The following SPANXN4 variants were observed in gnomAD, a reference collection of about 807,000 sequenced individuals.
SPANXN4 encodes sperm protein associated with the nucleus on the X chromosome N4.
A neutral mutation model predicts 6.0 loss-of-function variants in SPANXN4; 5 were observed. The ratio of observed to expected loss-of-function variants is 0.83; its 90% confidence interval spans 0.44 to 1.75. The LOEUF (loss-of-function observed/expected upper bound fraction) is 1.75. SPANXN4 is among the 40% of genes most tolerant of loss of function. The pLI is 0.02. For synonymous variants in SPANXN4, 45 were observed against 38.0 expected (o/e 1.19, Z -0.68); for missense variants, 157 against 108.6 (o/e 1.45, Z -1.98).
chrX:143,034,994 C>A (rs1445332864), downstream of SPANXN4, among the ~76,000 whole-genome samples: 1 of 103,346 alleles, frequency 9.7e-6, no homozygotes, highest in Non-Finnish European at 2.0e-5. Flanking sequence ...ATTAAGAATT[C>A]TTCCCCTAGA....
At chrX:143,026,343 T>C (rs1345297702) in intron 1 of SPANXN4, among the ~76,000 whole-genome samples, 1 of 111,545 alleles carries the variant, frequency 9.0e-6, no homozygotes, top group Non-Finnish European at 1.9e-5. Flanking sequence ...TGGCCCTTTT[T>C]CTGGTGGGAT....
downstream of SPANXN4, among the ~76,000 whole-genome samples, chrX:143,038,182 G>A (rs1001344676): frequency 9.0e-6 from 1 of 111,672 alleles, no homozygotes; most frequent in Non-Finnish European, 1.9e-5. Flanking sequence ...GAAAGCACTT[G>A]CACTAGTGAC....
intron 1 of SPANXN4, among the ~76,000 whole-genome samples, chrX:143,032,356 G>T (rs1204204926): frequency 9.0e-6 from 1 of 110,836 alleles, no homozygotes; most frequent in African/African-American, 3.3e-5. Flanking sequence ...CAGCACTAGG[G>T]GGGTGGGTGT....
chrX:143,037,586 C>T (rs1331031455), downstream of SPANXN4, among the ~76,000 whole-genome samples: 1 of 111,294 alleles, frequency 9.0e-6, no homozygotes, highest in African/African-American at 3.3e-5. Flanking sequence ...TTATCAATTC[C>T]TAACCATTTC....
At chrX:143,035,699 T>C (rs764807647), downstream of SPANXN4, among the ~76,000 whole-genome samples, 1 of 110,715 alleles carries the variant, frequency 9.0e-6, no homozygotes, top group South Asian at 3.8e-4. Context: ...GTTTACAACA[T>C]GTCATTATGG....
intron 1 of SPANXN4, among the ~76,000 whole-genome samples, 157 bp from the exon 2 acceptor site, chrX:143,033,868 C>T (rs1932826217): frequency 9.0e-6 from 1 of 111,112 alleles, no homozygotes. Context: ...CCTCTTCTTC[C>T]CCATAGATCC....
At chrX:143,034,459 G>A (rs139713847) in intron 2 of SPANXN4, 148 bp downstream of exon 2, 17 of 1,116,565 alleles carry the variant, frequency 1.5e-5, no homozygotes, top group Admixed American at 3.1e-5. Context: ...AAGACTGGGG[G>A]AGGACTGATT....
chrX:143,036,559 C>T (rs759778246), downstream of SPANXN4, among the ~76,000 whole-genome samples: 20 of 111,963 alleles, frequency 1.8e-4, no homozygotes, highest in Non-Finnish European at 3.0e-4. Flanking sequence ...ACATCCTTTT[C>T]TATGATCAAT....
chrX:143,035,661 T>G (rs534219053), downstream of SPANXN4, among the ~76,000 whole-genome samples: 15 of 110,756 alleles, frequency 1.4e-4, no homozygotes, highest in African/African-American at 4.9e-4. Context: ...ATGTTTATTT[T>G]AAAGAAATTT....
chrX:143,031,085 A>T, intron 1 of SPANXN4, among the ~76,000 whole-genome samples: 1 of 94,824 alleles, frequency 1.1e-5, no homozygotes, highest in Non-Finnish European at 2.0e-5. Context: ...AGAGTAAAAT[A>T]AAAGTAGAAT....
intron 1 of SPANXN4, among the ~76,000 whole-genome samples, chrX:143,026,297 G>A (rs907243544): frequency 1.8e-5 from 2 of 111,498 alleles, no homozygotes; most frequent in Admixed American, 9.4e-5. Context: ...GCTGCTCGGC[G>A]GAATATTGAT....
At chrX:143,032,108 G>C (rs1932813597) in intron 1 of SPANXN4, among the ~76,000 whole-genome samples, 2 of 112,021 alleles carry the variant, frequency 1.8e-5, no homozygotes, top group African/African-American at 6.5e-5. Flanking sequence ...GTCTTCTGGG[G>C]AGAGGGTGGA....
chrX:143,026,042 G>A lies in SPANXN4; in HGVS notation c.28G>A (p.Glu10Lys), dbSNP rs1031927543. 8.3e-6 allele frequency: 10 copies of A among 1,208,025 alleles called. No individual in the cohort carries two copies. In the African/African-American group the frequency reaches 1.1e-4, roughly 13 times the overall value. The change falls in exon 1 of 3, where the codon GAG becomes AAG. Residue 10 changes from glutamate to lysine, a missense_variant. Coordinates refer to ENST00000370504, the Ensembl canonical transcript of SPANXN4. ...GGAAGAGCCAACTTCCAGCACCAAC[G>A]AGAATAAAATGAAGAGCCCCTGTGA...
At chrX:143,034,339 CTGA>C (rs1932831854) in intron 2 of SPANXN4, 28 bp downstream of exon 2, 13 of 1,031,940 alleles carry the variant, frequency 1.3e-5, no homozygotes, top group Non-Finnish European at 1.7e-5. Flanking sequence ...GCCTTTTTTT[CTGA>C]TGGTGGGGAG....
In SPANXN4 at chrX:143,034,115, A is replaced by G. The variant is rs483352701; in HGVS notation, c.166A>G (p.Arg56Gly). ...ATATCCAACATTAGTGTTTTACTGC[A>G]GGAAGAATAAGAAAAGAAATTCAAA... The change falls in exon 2 of 3, where the codon AGG (arginine) becomes GGG (glycine). Residue 56 changes from arginine (R) to glycine (G), a missense_variant. Arg to Gly is a moderately radical substitution (Grantham distance 125). Coordinates refer to ENST00000370504, the Ensembl canonical transcript of SPANXN4. 8.5e-7 allele frequency: 1 copy of G among 1,178,915 alleles called. No individual in the cohort carries two copies. The highest frequency in any genetic ancestry group is 1.9e-5 in the South Asian group (1 of 53,263).
exon 3 of SPANXN4, chrX:143,034,642 C>G: frequency 8.6e-7 from 1 of 1,163,846 alleles, no homozygotes; most frequent in East Asian, 3.3e-5. Flanking sequence ...CACCTTCAGG[C>G]CACATACCTC....
At chrX:143,037,766 G>T (rs781233267), downstream of SPANXN4, among the ~76,000 whole-genome samples, 5 of 111,249 alleles carry the variant, frequency 4.5e-5, no homozygotes, top group Non-Finnish European at 9.4e-5. Context: ...GATAGTGAGT[G>T]AGTTCTCAGG....
Position 143,026,058 on chromosome X carries a change from GC to G in SPANXN4, c.48del (p.Cys17ValfsTer24). 1 of 1,209,279 alleles carries G rather than the reference GC, an allele frequency of 8.3e-7. No homozygotes were observed. Among genetic ancestry groups the G allele is most frequent in the Non-Finnish European group, 1.1e-6 (1 of 894,459 alleles). Reference sequence around the variant, plus strand: ...AGCACCAACGAGAATAAAATGAAGAGCCCCTGTGAATCTAACAAAAGAAAAG... The same window carrying G: ...AGCACCAACGAGAATAAAATGAAGAGCCCTGTGAATCTAACAAAAGAAAAG... On this transcript the variant is annotated frameshift_variant, in exon 1 of 3. Coordinates refer to ENST00000370504, the Ensembl canonical transcript of SPANXN4. LOFTEE classifies it high-confidence loss of function.
exon 3 of SPANXN4, chrX:143,034,511 G>A: frequency 8.7e-7 from 1 of 1,142,919 alleles, no homozygotes; most frequent in Non-Finnish European, 1.2e-6. Flanking sequence ...TCTCACAGGA[G>A]AGGAAGAAAA....
Sources: allele counts gnomAD v4.1 joint callset (sites outside exome capture counted in the v4.1 genomes callset), GRCh38; gene constraint gnomAD v4.1.1; transcripts MANE v1.5; gene names NCBI Gene and HGNC (gene_info 2026-07-23, HGNC 2026-07-21).